KHDC1: variants seen among roughly 807,000 people sequenced by gnomAD.
The protein encoded by KHDC1 is KH domain containing 1, also known as KH homology domain-containing protein 1.
In KHDC1, 21 loss-of-function variants were observed where a neutral mutation model predicts 24.7. The ratio of observed to expected loss-of-function variants is 0.85; its 90% CI spans 0.60 to 1.23. The LOEUF is 1.23. Ranked by LOEUF, KHDC1 falls within the 50% of genes most tolerant of loss-of-function variation. The pLI is 0.00. For missense variants in KHDC1, 274 were observed against 298.5 expected (o/e 0.92, Z 0.61); for synonymous variants, 98 against 111.7 (o/e 0.88, Z 0.77).
intron 1 of KHDC1, among the ~76,000 whole-genome samples, chr6:73,298,770 C>T (rs1447987927): frequency 6.6e-6 from 1 of 152,002 alleles, no homozygotes; most frequent in Non-Finnish European, 1.5e-5. Context: ...CAGGATTCCG[C>T]TCTGTCACCC....
At chr6:73,273,610 A>C (rs951834872) in intron 2 of KHDC1, among the ~76,000 whole-genome samples, 1 of 150,804 alleles carries the variant, frequency 6.6e-6, no homozygotes, top group Non-Finnish European at 1.5e-5. Context: ...AGGTCAGGAG[A>C]TCGAGACCAT....
intron 1 of KHDC1, chr6:73,293,328 A>G (rs1201663097): frequency 7.6e-6 from 4 of 526,496 alleles, no homozygotes; most frequent in Non-Finnish European, 1.4e-5. Flanking sequence ...AGATGAAATA[A>G]TAAAACTATT....
intron 1 of KHDC1, among the ~76,000 whole-genome samples, chr6:73,295,160 C>T (rs947557614): frequency 1.3e-5 from 2 of 151,892 alleles, no homozygotes; most frequent in Non-Finnish European, 2.9e-5. Context: ...CTCAAAACAA[C>T]CACAATAACA....
intron 2 of KHDC1, among the ~76,000 whole-genome samples, chr6:73,264,279 A>G (rs1354749560): frequency 5.9e-5 from 9 of 152,266 alleles, no homozygotes; most frequent in Non-Finnish European, 1.2e-4. Context: ...TCACGAAATC[A>G]TTAAGGTAAG....
chr6:73,292,612 GTC>G (rs1767677274), intron 1 of KHDC1: 6 of 760,236 alleles, frequency 7.9e-6, no homozygotes, highest in South Asian at 1.4e-5. Flanking sequence ...TCGTTCACTG[GTC>G]TCTGTTTTCT....
intron 1 of KHDC1, chr6:73,292,724 G>A (rs1206310577): frequency 1.3e-6 from 1 of 744,068 alleles, no homozygotes; most frequent in Non-Finnish European, 2.5e-6. Context: ...GACTACAGCA[G>A]TCATAGCAAA....
exon 4 of KHDC1, chr6:73,242,112 A>G (rs1364482608): frequency 6.2e-7 from 1 of 1,614,152 alleles, no homozygotes; most frequent in East Asian, 2.2e-5. Flanking sequence ...TGCAGCAGCC[A>G]CTGCCTTGCC....
intron 2 of KHDC1, among the ~76,000 whole-genome samples, chr6:73,272,152 C>T (rs1767190914): frequency 6.6e-6 from 1 of 151,580 alleles, no homozygotes; most frequent in Admixed American, 6.6e-5. Context: ...ATTAGAATTC[C>T]TACACCATCA....
chr6:73,285,649 CTTTT>C (rs539979246), intron 2 of KHDC1, among the ~76,000 whole-genome samples: 1 of 130,074 alleles, frequency 7.7e-6, no homozygotes, highest in Non-Finnish European at 1.6e-5. Flanking sequence ...TCTTTTTTTT[CTTTT>C]TTTTTTTTTT....
chr6:73,242,317 T>C, intron 3 of KHDC1, 80 bp from the exon 3 acceptor site: 8 of 1,607,056 alleles, frequency 5.0e-6, no homozygotes, highest in Non-Finnish European at 6.0e-6. Flanking sequence ...AGGGTAGGAA[T>C]ATGTGACTGA....
chr6:73,249,364 C>T (rs768628916), intron 2 of KHDC1, among the ~76,000 whole-genome samples: 5 of 152,106 alleles, frequency 3.3e-5, no homozygotes, highest in Non-Finnish European at 7.3e-5. Flanking sequence ...GGGTGGCTGC[C>T]AGCTAGGGCC....
At chr6:73,262,204 A>T (rs1000315180) in intron 2 of KHDC1, among the ~76,000 whole-genome samples, 1 of 152,212 alleles carries the variant, frequency 6.6e-6, no homozygotes, top group East Asian at 1.9e-4. Flanking sequence ...TTTGTAAACC[A>T]GAGGTGATAA....
intron 2 of KHDC1, among the ~76,000 whole-genome samples, chr6:73,278,665 A>G (rs1767347206): frequency 6.6e-6 from 1 of 152,046 alleles, no homozygotes; most frequent in Non-Finnish European, 1.5e-5. Context: ...TATGATTTTT[A>G]TTTTATTACA....
chr6:73,261,375 G>A (rs1017308253), intron 2 of KHDC1, among the ~76,000 whole-genome samples: 4 of 151,950 alleles, frequency 2.6e-5, no homozygotes, highest in African/African-American at 7.3e-5. Flanking sequence ...CCCAGAAGGC[G>A]GGGATTGCAG....
chr6:73,297,492 C>T (rs781403513), intron 1 of KHDC1, among the ~76,000 whole-genome samples: 2 of 152,074 alleles, frequency 1.3e-5, no homozygotes, highest in African/African-American at 4.8e-5. Flanking sequence ...TCAATTCTTA[C>T]AAGTAGGAGT....
chr6:73,300,665 G>A (rs77072596), intron 1 of KHDC1: 174 of 152,216 alleles, frequency 1.1e-3, no homozygotes, highest in African/African-American at 4.0e-3. Flanking sequence ...CACAACTTAG[G>A]ATTCACTCCC....
At position 73,282,177 on chromosome 6, in the gene KHDC1, CA is replaced by C. The variant is rs1267750784; in HGVS notation, c.206+9820del. Among the ~76,000 whole-genome samples, 21 of 142,252 alleles carry C rather than the reference CA, an allele frequency of 1.5e-4. 1 individual carries two copies. Among genetic ancestry groups the C allele is most frequent in the African/African-American group, 5.2e-4 (20 of 38,680 alleles). 93.3% of individuals were successfully genotyped at this position (142,252 alleles called of 152,430 possible). A position where few individuals can be genotyped will look rare whatever the true frequency, so the allele number is the denominator to read the frequency against. Reference sequence around the variant, plus strand: ...AGGTTGTAGTGAGCCAAGATTACACCACTGCACTCCAGCCCAAGTGACAGAG... The same window carrying C: ...AGGTTGTAGTGAGCCAAGATTACACCCTGCACTCCAGCCCAAGTGACAGAG... On this transcript the variant is annotated intron_variant, in intron 2 of 4. Coordinates refer to ENST00000370384, the Ensembl canonical transcript of KHDC1.
At chr6:73,308,368 C>G (rs1298466451) in intron 1 of KHDC1, among the ~76,000 whole-genome samples, 1 of 152,066 alleles carries the variant, frequency 6.6e-6, no homozygotes, top group Non-Finnish European at 1.5e-5. Flanking sequence ...GCCACCACGC[C>G]CTGCTGCAAT....
chr6:73,280,465 A>G (rs571583666), intron 2 of KHDC1, among the ~76,000 whole-genome samples: 1 of 151,338 alleles, frequency 6.6e-6, no homozygotes, highest in African/African-American at 2.4e-5. Context: ...GCCAAGCCAA[A>G]CATATCCTTT....
Sources: allele counts gnomAD v4.1 joint callset (sites outside exome capture counted in the v4.1 genomes callset), GRCh38; gene constraint gnomAD v4.1.1; transcripts MANE v1.5; gene names NCBI Gene and HGNC (gene_info 2026-07-23, HGNC 2026-07-21).